The following AHRR variants were observed in gnomAD, a reference collection of about 807,000 sequenced individuals.
The protein encoded by AHRR is aryl hydrocarbon receptor repressor.
A neutral mutation model predicts 44.0 loss-of-function variants in AHRR; 28 were observed. The ratio of observed to expected loss-of-function variants is 0.64; its 90% confidence interval spans 0.47 to 0.87. AHRR has a LOEUF of 0.87. AHRR is among the 40% of genes least tolerant of loss of function. The pLI is 0.00. For missense variants in AHRR, 990 were observed against 953.9 expected (o/e 1.04, Z -0.50); for synonymous variants, 434 against 407.0 (o/e 1.07, Z -0.80).
In AHRR at chr5:326,783, G is replaced by A. The variant is rs112931742; in HGVS notation, c.-11+4964G>A. Among the ~76,000 whole-genome samples the A allele has an allele frequency of 1.3e-5, 2 of 152,098 alleles. No individual in the cohort carries two copies. The highest frequency in any genetic ancestry group is 2.1e-4 in the South Asian group (1 of 4,824). On this transcript the variant is annotated intron_variant, in intron 1 of 10. Transcript: ENST00000684583. The surrounding 1 kb of genome is among the most constrained non-coding windows in gnomAD (Gnocchi z 4.1). ...CATTAAAAAAAATGATAGCTGGCCC[G>A]GCGCATGGTTCACGCCTGTAATCCC...
At chr5:433,015 G>C in intron 10 of AHRR, 68 bp downstream of exon 10, 1 of 1,476,524 alleles carries the variant, frequency 6.8e-7, no homozygotes, top group Non-Finnish European at 9.0e-7. Context: ...GCCAAAGAGC[G>C]GGTGGGGGAG....
chr5:401,291 C>T (rs1178163553), intron 4 of AHRR, among the ~76,000 whole-genome samples: 2 of 152,206 alleles, frequency 1.3e-5, no homozygotes, highest in Non-Finnish European at 2.9e-5. Flanking sequence ...TTTGGGTCCC[C>T]TAGTTCCAGA....
At chr5:347,607 G>A (rs1345319202) in intron 2 of AHRR, among the ~76,000 whole-genome samples, 1 of 152,230 alleles carries the variant, frequency 6.6e-6, no homozygotes, top group Non-Finnish European at 1.5e-5. Context: ...GAATAGTCGT[G>A]AAATGTTTTC....
intron 1 of AHRR, among the ~76,000 whole-genome samples, chr5:334,726 G>A (rs1229849436): frequency 6.6e-6 from 1 of 152,002 alleles, no homozygotes; most frequent in Admixed American, 6.6e-5. Flanking sequence ...TACTGCTGGA[G>A]AATTGTGTTT....
intron 7 of AHRR, among the ~76,000 whole-genome samples, chr5:427,183 A>T (rs1419858516): frequency 6.6e-6 from 1 of 152,244 alleles, no homozygotes; most frequent in Non-Finnish European, 1.5e-5. Flanking sequence ...CATACAAGGC[A>T]GGAGTACCCC....
intron 3 of AHRR, among the ~76,000 whole-genome samples, chr5:365,605 G>T (rs1290516930): frequency 6.6e-6 from 1 of 151,468 alleles, no homozygotes; most frequent in Non-Finnish European, 1.5e-5. Context: ...AGATATTGAT[G>T]AAATAGAAAA....
chr5:331,463 A>C (rs997960868), intron 1 of AHRR, among the ~76,000 whole-genome samples: 1 of 152,066 alleles, frequency 6.6e-6, no homozygotes, highest in Non-Finnish European at 1.5e-5. Context: ...TATTTCGTTT[A>C]GCACTGCTCT....
chr5:434,268 A>T lies in AHRR; in HGVS notation c.1528A>T (p.Met510Leu). Residue 510 changes from methionine to leucine, a missense_variant, in exon 11 of 11, where the codon ATG becomes TTG. By Grantham distance (15) the Met-to-Leu change is conservative. Coordinates refer to ENST00000684583, the MANE Select transcript of AHRR (RefSeq NM_001377236.1). ...CACGAGGGGCTATCCCATGGAGGAC[A>T]TGAAGCTGCAAGGTGTACCGATGCC... ...FATRGYPMEDMKLQGVPMPPG... is the reference protein window; with the variant it reads ...FATRGYPMEDLKLQGVPMPPG... The T allele has an allele frequency of 1.2e-6, 2 of 1,604,114 alleles. No homozygotes were observed. Among genetic ancestry groups the T allele is most frequent in the East Asian group, 4.5e-5 (2 of 44,774 alleles).
rs1579652307 is a variant in AHRR, at chr5:388,728, C to A, written c.351+12012C>A. Among the ~76,000 whole-genome samples the A allele has an allele frequency of 6.6e-6, 1 of 151,992 alleles. No individual in the cohort carries two copies. Among genetic ancestry groups the A allele is most frequent in the African/African-American group, 2.4e-5 (1 of 41,370 alleles). On this transcript the variant is annotated intron_variant, in intron 4 of 10. Coordinates refer to ENST00000684583, the MANE Select transcript of AHRR (RefSeq NM_001377236.1). This position sits in a 1 kb window ranked among gnomAD's most constrained non-coding sequence, Gnocchi z 5.2. ...CCAGGACGAGGACTAAGCTGTGACC[C>A]CTCTGGGCCCTGAAGAGCATCTCGG...
intron 3 of AHRR, among the ~76,000 whole-genome samples, chr5:367,616 G>A (rs1743406819): frequency 6.6e-6 from 1 of 152,198 alleles, no homozygotes; most frequent in Non-Finnish European, 1.5e-5. Context: ...CACACCTGTA[G>A]CTTTTGAAGG....
Position 427,878 on chromosome 5 carries a change from C to G in AHRR, c.780C>G (p.Leu260=). The G allele has an allele frequency of 6.2e-7, 1 of 1,614,122 alleles. No individual in the cohort carries two copies. Among genetic ancestry groups the G allele is most frequent in the Non-Finnish European group, 8.5e-7 (1 of 1,180,032 alleles). Residue 260 remains leucine, a synonymous_variant, in exon 8 of 11, where the codon CTC becomes CTG. Transcript: ENST00000684583. ...QKKKAPSGAM[L]PPRLSLFCIA... is the part of the protein sequence containing the mutation. ...AGAAGGCGCCGTCAGGAGCCATGCT[C>G]CCGCCGCGGCTGTCGCTGTTCTGCA...
At chr5:421,319 G>A in intron 5 of AHRR, 1 of 696,542 alleles carries the variant, frequency 1.4e-6, no homozygotes, top group Non-Finnish European at 2.6e-6. Context: ...CCACGGTCGC[G>A]ATGCGGGGCA....
intron 5 of AHRR, among the ~76,000 whole-genome samples, chr5:415,216 C>T (rs1735671694): frequency 6.6e-6 from 1 of 152,252 alleles, no homozygotes; most frequent in Non-Finnish European, 1.5e-5. Flanking sequence ...CTACCCAGCA[C>T]CTCTGCCTAC....
intron 1 of AHRR, among the ~76,000 whole-genome samples, chr5:324,186 A>T (rs1330635929): frequency 1.3e-5 from 2 of 151,320 alleles, no homozygotes; most frequent in African/African-American, 4.9e-5. Flanking sequence ...CAGCCTCCCA[A>T]GTAGCTGGGA....
Position 435,003 on chromosome 5 carries a change from C to A in AHRR, c.*169C>A. On this transcript the variant is annotated 3_prime_UTR_variant, in exon 11 of 11. Coordinates refer to ENST00000684583, the MANE Select transcript of AHRR (RefSeq NM_001377236.1). ...GTGTGCAGCATACGCAGGAGCCTAT[C>A]CTGAATTTTGTAAAATATCCCAACA... The A allele has an allele frequency of 9.9e-7, 1 of 1,005,664 alleles. No homozygotes were observed. Among genetic ancestry groups the A allele is most frequent in the Non-Finnish European group, 1.4e-6 (1 of 714,154 alleles). The allele number at this position is 1,005,664 out of a possible 1,614,324, so 62.3% of individuals were successfully genotyped here.
intron 4 of AHRR, among the ~76,000 whole-genome samples, chr5:377,006 G>A (rs757895514): frequency 2.0e-5 from 3 of 152,154 alleles, no homozygotes; most frequent in South Asian, 2.1e-4. Context: ...ATTCTGCACC[G>A]TCTGCTTTTG....
At chr5:348,974 G>A (rs1383891775) in intron 2 of AHRR, among the ~76,000 whole-genome samples, 4 of 152,230 alleles carry the variant, frequency 2.6e-5, no homozygotes, top group Admixed American at 2.0e-4. Flanking sequence ...CCCCGCCGGT[G>A]CGTGGTGTGC....
At chr5:350,554 A>G (rs2126386898) in intron 2 of AHRR, among the ~76,000 whole-genome samples, 1 of 151,820 alleles carries the variant, frequency 6.6e-6, no homozygotes, top group Middle Eastern at 3.4e-3. Flanking sequence ...CATCTCTCCC[A>G]TCTCTCTGGC....
At chr5:329,661 A>G (rs544233260) in intron 1 of AHRR, among the ~76,000 whole-genome samples, 118 of 152,152 alleles carry the variant, frequency 7.8e-4, no homozygotes, top group African/African-American at 2.7e-3. Context: ...GTCATCTACA[A>G]TTTTCTTTCA....
Sources: gnomAD v4.1 joint callset for allele counts (sites outside exome capture counted in the v4.1 genomes callset) on GRCh38, gnomAD v4.1.1 for gene constraint, Gnocchi (gnomAD v3.1) non-coding constraint, MANE v1.5 for transcripts, NCBI Gene and HGNC (gene_info 2026-07-23, HGNC 2026-07-21) for gene names.